EPG5: variants seen among roughly 807,000 people sequenced by gnomAD.
The protein encoded by EPG5 is ectopic P granules protein 5 homolog.
A neutral mutation model predicts 302.7 loss-of-function variants in EPG5; 159 were observed. That is an observed-to-expected ratio of 0.53 (90% CI 0.46 to 0.60). EPG5 has a LOEUF of 0.60. EPG5 is among the 20% of genes least tolerant of loss of function. The probability of loss-of-function intolerance (pLI) is 0.00; values close to 1 mark genes in which losing one functional copy is unlikely to be tolerated. For synonymous variants in EPG5, 1,158 were observed against 1,136.8 expected (o/e 1.02, Z -0.37); for missense variants, 2,896 against 3,092.4 (o/e 0.94, Z 1.51).
chr18:45,937,235 T>TATAC (rs1485101696), intron 10 of EPG5, among the ~76,000 whole-genome samples: 9 of 136,822 alleles, frequency 6.6e-5, no homozygotes, highest in South Asian at 2.4e-4. Context: ...TACATATATA[T>TATAC]ACACACACAC....
At chr18:45,917,354 C>T (rs560040711) in intron 17 of EPG5, among the ~76,000 whole-genome samples, 90 of 152,312 alleles carry the variant, frequency 5.9e-4, no homozygotes, top group Non-Finnish European at 1.1e-3. Context: ...CAATGGCAAA[C>T]CATTTGCTGC....
chr18:45,934,935 G>C lies in EPG5; in HGVS notation c.2131C>G (p.Pro711Ala). The change falls in exon 11 of 44, where the codon CCC becomes GCC. Residue 711 changes from proline (P) to alanine (A), a missense_variant. Coordinates refer to ENST00000282041, the MANE Select transcript of EPG5 (RefSeq NM_020964.3). ...LGIWLFMSEM[P>A]FGTLSVQMLW... ...ATTTGCACAGACAGAGTCCCAAAGG[G>C]CATCTCGGACATAAACAGCCAAATG... is the stretch of plus-strand genomic sequence containing the variant. The C allele has an allele frequency of 6.2e-7, 1 of 1,613,162 alleles. No individual in the cohort carries two copies. Among genetic ancestry groups the C allele is most frequent in the Non-Finnish European group, 8.5e-7 (1 of 1,179,722 alleles).
intron 25 of EPG5, 56 bp downstream of exon 25, chr18:45,903,917 C>T (rs935393170): frequency 1.0e-5 from 16 of 1,539,544 alleles, no homozygotes; most frequent in Admixed American, 6.8e-5. Flanking sequence ...CCCTCAATGG[C>T]TCTGATTCAA....
At chr18:45,828,468 T>C in the EPG5 span, among the ~76,000 whole-genome samples, 1 of 152,082 alleles carries the variant, frequency 6.6e-6, no homozygotes, top group African/African-American at 2.4e-5. Flanking sequence ...GGAAGAACAC[T>C]GGTCTGGGAG....
chr18:45,809,806 C>T, the EPG5 span, among the ~76,000 whole-genome samples: 4 of 151,860 alleles, frequency 2.6e-5, no homozygotes, highest in Non-Finnish European at 5.9e-5. Flanking sequence ...GTTCACACCT[C>T]GAAGAACTAG....
At chr18:45,821,146 G>A in the EPG5 span, among the ~76,000 whole-genome samples, 1 of 152,222 alleles carries the variant, frequency 6.6e-6, no homozygotes, top group Non-Finnish European at 1.5e-5. Flanking sequence ...ATCAAGGAAT[G>A]AGAGCGGTTT....
the EPG5 span, among the ~76,000 whole-genome samples, chr18:45,819,226 A>G: frequency 1.3e-5 from 2 of 152,208 alleles, no homozygotes; most frequent in African/African-American, 4.8e-5. Flanking sequence ...CTCATCTGGA[A>G]TATGGATTAA....
At chr18:45,892,935 GA>G (rs1430314774) in intron 27 of EPG5, among the ~76,000 whole-genome samples, 1 of 152,002 alleles carries the variant, frequency 6.6e-6, no homozygotes, top group African/African-American at 2.4e-5. Flanking sequence ...ATCTAATCTA[GA>G]ATGTTAAGAT....
chr18:45,919,705 G>T lies in EPG5; in HGVS notation c.3099-1886C>A, dbSNP rs529377391. On this transcript the variant is annotated intron_variant, in intron 16 of 43. Coordinates refer to ENST00000282041, the MANE Select transcript of EPG5 (RefSeq NM_020964.3). Reference sequence around the variant, plus strand: ...TTTTTTGTATTTTTAGTAGAGACGGGGTTTCACCGTGTTAGCCAGGATGGT... The same window carrying T: ...TTTTTTGTATTTTTAGTAGAGACGGTGTTTCACCGTGTTAGCCAGGATGGT... Among the ~76,000 whole-genome samples, 737 of 151,990 alleles carry T rather than the reference G, an allele frequency of 4.8e-3. 6 individuals carry two copies. Among genetic ancestry groups the T allele is most frequent in the African/African-American group, 0.017 (689 of 41,454 alleles).
In EPG5 at chr18:45,929,023, A is replaced by G. The variant is rs1412984034; in HGVS notation, c.2413-14T>C. 1 of 1,611,214 alleles carries G rather than the reference A, an allele frequency of 6.2e-7. No homozygotes were observed. Among genetic ancestry groups the G allele is most frequent in the East Asian group, 2.2e-5 (1 of 44,846 alleles). On this transcript the variant is annotated splice_polypyrimidine_tract_variant and intron_variant, in intron 12 of 43. Coordinates refer to ENST00000282041, the MANE Select transcript of EPG5 (RefSeq NM_020964.3). Reference sequence around the variant, plus strand: ...GACATAAGATACCTAAATGGGGGGAAGGGGGAAGAAGATGGCACTTTTAAT... The same window carrying G: ...GACATAAGATACCTAAATGGGGGGAGGGGGGAAGAAGATGGCACTTTTAAT...
intron 42 of EPG5, 127 bp downstream of exon 42, chr18:45,857,726 C>A: frequency 6.4e-5 from 30 of 467,390 alleles, no homozygotes; most frequent in Non-Finnish European, 7.2e-5. Flanking sequence ...TTTTTTTTTT[C>A]CATTAATCTT....
At position 45,883,497 on chromosome 18, in the gene EPG5, A is replaced by G. The variant is rs1381539730; in HGVS notation, c.5305-1010T>C. Among the ~76,000 whole-genome samples, 3 of 137,086 alleles carry G rather than the reference A, an allele frequency of 2.2e-5. No individual in the cohort carries two copies. In the Admixed American group the frequency reaches 2.4e-4, roughly 11 times the overall value. The allele number at this position is 137,086 out of a possible 152,430, so 89.9% of individuals were successfully genotyped here. A position where few individuals can be genotyped will look rare whatever the true frequency, so the allele number is the denominator to read the frequency against. The stretch of plus-strand genomic sequence containing the variant: ...TTTTTTTCACAACAGGTCTCACTCC[A>G]TCACCCAGGTTGGAGTGCAGTGGTG... On this transcript the variant is annotated intron_variant, in intron 30 of 43. Transcript: ENST00000282041.
intron 24 of EPG5, among the ~76,000 whole-genome samples, chr18:45,905,624 A>G (rs1361557277): frequency 6.6e-6 from 1 of 152,238 alleles, no homozygotes; most frequent in Non-Finnish European, 1.5e-5. Flanking sequence ...GGAATTAATG[A>G]TAGGTAAGCA....
At chr18:45,862,828 G>T (rs938571791) in intron 39 of EPG5, among the ~76,000 whole-genome samples, 2 of 152,152 alleles carry the variant, frequency 1.3e-5, no homozygotes, top group African/African-American at 4.8e-5. Flanking sequence ...GTGAGAACAG[G>T]CTAAAATAAT....
intron 5 of EPG5, among the ~76,000 whole-genome samples, chr18:45,949,028 C>T (rs1400921962): frequency 6.6e-6 from 1 of 152,178 alleles, no homozygotes; most frequent in African/African-American, 2.4e-5. Flanking sequence ...AGAGGAGAAT[C>T]TAAAAACCAC....
At chr18:45,920,397 A>G (rs1213393856) in intron 16 of EPG5, among the ~76,000 whole-genome samples, 1 of 152,018 alleles carries the variant, frequency 6.6e-6, no homozygotes, top group East Asian at 1.9e-4. Flanking sequence ...ACACAACATC[A>G]CTCTGCTCAT....
chr18:45,947,183 T>C (rs1568180150), intron 6 of EPG5, among the ~76,000 whole-genome samples: 1 of 151,958 alleles, frequency 6.6e-6, no homozygotes, highest in Admixed American at 6.6e-5. Flanking sequence ...GGGAGGCTGA[T>C]GGGGGTGGAT....
Position 45,889,864 on chromosome 18 carries a change from G to A in EPG5, c.4886C>T (p.Ala1629Val). 1 of 1,611,816 alleles carries A rather than the reference G, an allele frequency of 6.2e-7. No individual in the cohort carries two copies. Among genetic ancestry groups the A allele is most frequent in the Non-Finnish European group, 8.5e-7 (1 of 1,178,712 alleles). The change falls in exon 28 of 44, where the codon GCA becomes GTA. Residue 1629 changes from alanine to valine, a missense_variant. By Grantham distance (64) the Ala-to-Val change is moderately conservative. Transcript: ENST00000282041. ...AAGTGATGGTGGTTTAGCAGCTTCT[G>A]CTTGCAACTGCTTCACTTCCTTCCG... is the stretch of plus-strand genomic sequence containing the variant. Reference protein sequence around the residue: ...VLRKEVKQLQAEAAKPPSLNI... With the variant: ...VLRKEVKQLQVEAAKPPSLNI...
chr18:45,866,205 C>T (rs1408352254), intron 38 of EPG5, among the ~76,000 whole-genome samples: 2 of 151,522 alleles, frequency 1.3e-5, no homozygotes, highest in Non-Finnish European at 2.9e-5. Flanking sequence ...CTGCAACCTC[C>T]TCCTCCTGGG....
Sources: gnomAD v4.1 joint callset for allele counts (sites outside exome capture counted in the v4.1 genomes callset) on GRCh38, gnomAD v4.1.1 for gene constraint, MANE v1.5 for transcripts, NCBI Gene and HGNC (gene_info 2026-07-23, HGNC 2026-07-21) for gene names.